The following CFAP299 variants were observed in gnomAD, a reference collection of about 807,000 sequenced individuals.
The protein encoded by CFAP299 is cilia and flagella associated protein 299.
CFAP299 carries 21 observed loss-of-function variants against 27.0 expected under a neutral mutation model. The ratio of observed to expected loss-of-function variants is 0.78; its 90% CI spans 0.55 to 1.12. The LOEUF (loss-of-function observed/expected upper bound fraction) is 1.12. CFAP299 is among the 50% of genes most tolerant of loss of function. The pLI, the probability that CFAP299 is intolerant of heterozygous loss-of-function variation, is 0.00. For missense variants in CFAP299, 310 were observed against 276.6 expected, an observed-to-expected ratio of 1.12 and a Z score of -0.86; for synonymous variants, 104 against 98.1, an observed-to-expected ratio of 1.06 and a Z score of -0.36.
At chr4:80,666,194 C>T (rs1741135914) in intron 3 of CFAP299, among the ~76,000 whole-genome samples, 1 of 152,158 alleles carries the variant, frequency 6.6e-6, no homozygotes. Context: ...AACTCTCCCT[C>T]CTACCTTAGG....
intron 4 of CFAP299, among the ~76,000 whole-genome samples, chr4:80,930,928 T>C (rs192180050): frequency 7.2e-5 from 11 of 152,238 alleles, no homozygotes; most frequent in African/African-American, 2.4e-4. Flanking sequence ...TGTCCTTTTT[T>C]TTTCCCTCAG....
At chr4:80,693,757 C>G (rs1006612870) in intron 3 of CFAP299, among the ~76,000 whole-genome samples, 8 of 150,532 alleles carry the variant, frequency 5.3e-5, no homozygotes, top group Non-Finnish European at 1.2e-4. Context: ...CTAAGCGTGG[C>G]TTGGTCAGAG....
At chr4:80,828,746 C>G (rs1232879813) in intron 3 of CFAP299, among the ~76,000 whole-genome samples, 2 of 151,966 alleles carry the variant, frequency 1.3e-5, no homozygotes, top group African/African-American at 4.8e-5. Flanking sequence ...AACCATGAGC[C>G]AATTAAACAT....
intron 3 of CFAP299, among the ~76,000 whole-genome samples, chr4:80,799,088 T>C (rs1728045424): frequency 7.0e-6 from 1 of 142,402 alleles, no homozygotes; most frequent in African/African-American, 2.6e-5. Context: ...ACTAATAGTG[T>C]GTGTGAGTTT....
chr4:80,607,781 A>G (rs778901335), intron 3 of CFAP299, among the ~76,000 whole-genome samples: 9 of 152,160 alleles, frequency 5.9e-5, no homozygotes, highest in Non-Finnish European at 1.0e-4. Context: ...GGCTTGTATT[A>G]TAATTTAAGT....
chr4:80,605,408 A>G (rs1737604360), intron 3 of CFAP299, among the ~76,000 whole-genome samples: 1 of 152,228 alleles, frequency 6.6e-6, no homozygotes, highest in South Asian at 2.1e-4. Context: ...TCTTAAACAT[A>G]AAAAGACACT....
chr4:80,963,745 A>G lies in CFAP299; in HGVS notation c.*133A>G, dbSNP rs958947317. 2 of 582,014 alleles carry G rather than the reference A, an allele frequency of 3.4e-6. No individual in the cohort carries two copies. The highest frequency in any genetic ancestry group is 6.0e-6 in the Non-Finnish European group (2 of 335,524). 36.1% of individuals were successfully genotyped at this position (582,014 alleles called of 1,614,324 possible). A position where few individuals can be genotyped will look rare whatever the true frequency, so the allele number is the denominator to read the frequency against. On this transcript the variant is annotated 3_prime_UTR_variant, in exon 6 of 6. Transcript: ENST00000358105. Reference sequence around the variant, plus strand: ...AATAAAGTTAATAAAGAAGTTAGAAAGAAAACTGTAATATTGACTGTCTTT... The same window carrying G: ...AATAAAGTTAATAAAGAAGTTAGAAGGAAAACTGTAATATTGACTGTCTTT...
At chr4:80,674,566 C>T (rs763860098) in intron 3 of CFAP299, among the ~76,000 whole-genome samples, 19 of 152,088 alleles carry the variant, frequency 1.2e-4, no homozygotes, top group Middle Eastern at 3.2e-3. Context: ...TGAATGTTGG[C>T]GTGCCTTGCT....
At chr4:80,555,758 C>T (rs1434670111) in intron 2 of CFAP299, among the ~76,000 whole-genome samples, 1 of 152,056 alleles carries the variant, frequency 6.6e-6, no homozygotes, top group East Asian at 1.9e-4. Context: ...TTATACATCT[C>T]TTCTAGATTT....
intron 3 of CFAP299, among the ~76,000 whole-genome samples, chr4:80,662,893 T>A (rs1740935971): frequency 6.6e-6 from 1 of 152,012 alleles, no homozygotes; most frequent in South Asian, 2.1e-4. Flanking sequence ...GCAGACCAAG[T>A]CCCAAGTGCT....
chr4:80,692,181 T>C (rs1052162401), intron 3 of CFAP299, among the ~76,000 whole-genome samples: 1 of 152,140 alleles, frequency 6.6e-6, no homozygotes, highest in African/African-American at 2.4e-5. Context: ...CTTCACAGAA[T>C]TGGGAAAAAC....
chr4:80,663,228 G>A (rs1740958022), intron 3 of CFAP299, among the ~76,000 whole-genome samples: 2 of 152,062 alleles, frequency 1.3e-5, no homozygotes, highest in African/African-American at 4.8e-5. Flanking sequence ...GTTGTTTGAT[G>A]CACCCATCAA....
chr4:80,362,263 T>C (rs74362035), intron 1 of CFAP299, among the ~76,000 whole-genome samples: 10,158 of 151,940 alleles, frequency 0.067, 366 homozygotes, highest in Middle Eastern at 0.18. Flanking sequence ...TTTGAAGTTA[T>C]AATATTCTGT....
chr4:80,337,324 C>T (rs1366980514), intron 1 of CFAP299, among the ~76,000 whole-genome samples: 6 of 151,808 alleles, frequency 4.0e-5, no homozygotes, highest in Non-Finnish European at 8.8e-5. Context: ...CACAGTTCTT[C>T]ATGTGAGTAT....
chr4:80,507,717 C>T (rs1189263057), intron 2 of CFAP299, among the ~76,000 whole-genome samples: 1 of 152,122 alleles, frequency 6.6e-6, no homozygotes, highest in African/African-American at 2.4e-5. Context: ...TTTCCTTTTC[C>T]ACAAGCCCCC....
At chr4:80,749,031 T>C (rs888078711) in intron 3 of CFAP299, among the ~76,000 whole-genome samples, 1 of 152,224 alleles carries the variant, frequency 6.6e-6, no homozygotes, top group African/African-American at 2.4e-5. Context: ...TTTTTCTCTT[T>C]ACCTATTTCA....
intron 2 of CFAP299, among the ~76,000 whole-genome samples, chr4:80,455,940 CA>C (rs1729130768): frequency 6.7e-6 from 1 of 148,752 alleles, no homozygotes; most frequent in East Asian, 2.0e-4. Context: ...GGAAGGTAGA[CA>C]ATAAAGAAAT....
intron 3 of CFAP299, among the ~76,000 whole-genome samples, chr4:80,638,644 G>A (rs957329318): frequency 6.6e-6 from 1 of 152,164 alleles, no homozygotes; most frequent in Admixed American, 6.5e-5. Context: ...TCCCTGACTA[G>A]AGTTTCTGGA....
At chr4:80,687,828 C>A (rs1332914364) in intron 3 of CFAP299, among the ~76,000 whole-genome samples, 3 of 152,102 alleles carry the variant, frequency 2.0e-5, no homozygotes, top group Non-Finnish European at 4.4e-5. Context: ...TCAGTGGGTG[C>A]GCGCACCGTG....
Sources: allele counts gnomAD v4.1 joint callset (sites outside exome capture counted in the v4.1 genomes callset), GRCh38; gene constraint gnomAD v4.1.1; transcripts MANE v1.5; gene names NCBI Gene and HGNC (gene_info 2026-07-23, HGNC 2026-07-21).